The following GLT1D1 variants were observed in gnomAD, a reference collection of about 807,000 sequenced individuals.
GLT1D1 encodes the protein glycosyltransferase 1 domain containing 1, also known as glycosyltransferase 1 domain-containing protein 1.
In GLT1D1, 21 loss-of-function variants were observed where a neutral mutation model predicts 28.7. The ratio of observed to expected loss-of-function variants is 0.73; its 90% CI spans 0.52 to 1.05. The LOEUF (loss-of-function observed/expected upper bound fraction) is 1.05, where lower values mean the gene tolerates loss of function less well. Ranked by LOEUF, GLT1D1 falls within the 50% of genes least tolerant of loss-of-function variation. GLT1D1 has a pLI of 0.00. For missense variants in GLT1D1, 343 were observed against 330.6 expected (o/e 1.04, Z -0.29); for synonymous variants, 147 against 124.8 (o/e 1.18, Z -1.19).
At position 128,876,004 on chromosome 12, in the gene GLT1D1, T is replaced by C. The variant is rs1173262867; in HGVS notation, c.159T>C (p.Ala53=). ...CTGAGATTGCAAACCTCATCTTGGCTGAGAACTGCGAGGCTGCCCTGGCTC... is the reference window on the plus strand; with the variant it reads ...CTGAGATTGCAAACCTCATCTTGGCCGAGAACTGCGAGGCTGCCCTGGCTC... Residue 53 remains alanine, a synonymous_variant, in exon 2 of 8, where the codon GCT becomes GCC. Coordinates refer to ENST00000281703, the MANE Select transcript of GLT1D1 (RefSeq NM_144669.3). 1.2e-6 allele frequency: 2 copies of C among 1,613,874 alleles called. No individual in the cohort carries two copies. Among genetic ancestry groups the C allele is most frequent in the Non-Finnish European group, 1.7e-6 (2 of 1,179,900 alleles).
chr12:128,914,998 T>C lies in GLT1D1; in HGVS notation c.375+15711T>C, dbSNP rs1369937196. ...CTTTCTTCAACGCTCTGGTGAGACA[T>C]GAGATCTTCTTAGAGGATTTTGATG... On this transcript the variant is annotated intron_variant, in intron 4 of 7. Transcript: ENST00000281703. 5 of 1,525,336 alleles carry C rather than the reference T, an allele frequency of 3.3e-6. No individual in the cohort carries two copies. In the Admixed American group the frequency reaches 9.8e-5, roughly 30 times the overall value. The allele number at this position is 1,525,336 out of a possible 1,614,324, so 94.5% of individuals were successfully genotyped here.
intron 4 of GLT1D1, among the ~76,000 whole-genome samples, chr12:128,907,277 G>A (rs1811392): frequency 0.041 from 6,247 of 150,834 alleles, 463 homozygotes; most frequent in African/African-American, 0.14. Context: ...AAGCTCCAGG[G>A]ATTGATCATG....
chr12:128,900,071 A>G (rs992460240), intron 4 of GLT1D1, among the ~76,000 whole-genome samples: 1 of 152,184 alleles, frequency 6.6e-6, no homozygotes, highest in Non-Finnish European at 1.5e-5. Flanking sequence ...GGGCTGGTGT[A>G]TGAGCTGGTG....
intron 6 of GLT1D1, among the ~76,000 whole-genome samples, chr12:128,952,355 G>A (rs568361197): frequency 1.1e-3 from 154 of 141,154 alleles, no homozygotes; most frequent in South Asian, 2.1e-3. Flanking sequence ...CACCCCTGGC[G>A]TCTCAGAATG....
chr12:128,940,685 G>C (rs937454366), intron 4 of GLT1D1, among the ~76,000 whole-genome samples: 1 of 152,322 alleles, frequency 6.6e-6, no homozygotes, highest in Non-Finnish European at 1.5e-5. Flanking sequence ...GACGGAAATA[G>C]TCCCTGCCCC....
At chr12:128,879,448 TTC>T (rs1226989390) in intron 2 of GLT1D1, among the ~76,000 whole-genome samples, 1 of 126,800 alleles carries the variant, frequency 7.9e-6, no homozygotes, top group Non-Finnish European at 1.6e-5. Flanking sequence ...CTTTCTTTCT[TTC>T]TTTCTTTCTT....
intron 4 of GLT1D1, among the ~76,000 whole-genome samples, chr12:128,932,371 T>C (rs1874013686): frequency 6.6e-6 from 1 of 152,114 alleles, no homozygotes; most frequent in African/African-American, 2.4e-5. Flanking sequence ...CCCAGCACGT[T>C]AGTTGGCTTG....
rs1161025357 is a variant in GLT1D1 at position 128,874,094 on chromosome 12, T to C, written c.69-1820T>C. Among the ~76,000 whole-genome samples the C allele has an allele frequency of 5.4e-3, 141 of 26,278 alleles. 2 individuals carry two copies. Among genetic ancestry groups the C allele is most frequent in the Middle Eastern group, 0.029 (1 of 34 alleles). 17.2% of individuals were successfully genotyped at this position (26,278 alleles called of 152,430 possible). A position where few individuals can be genotyped will look rare whatever the true frequency, so the allele number is the denominator to read the frequency against. On this transcript the variant is annotated intron_variant, in intron 1 of 7. Transcript: ENST00000281703. ...TTTCTTTCTTTCTTTCTTTCTTTCTTTCTTTCTCTCTCTCTCTCTCTCTCT... is the reference window on the plus strand; with the variant it reads ...TTTCTTTCTTTCTTTCTTTCTTTCTCTCTTTCTCTCTCTCTCTCTCTCTCT...
chr12:128,969,611 A>G (rs1878833439), intron 7 of GLT1D1, among the ~76,000 whole-genome samples: 2 of 152,224 alleles, frequency 1.3e-5, no homozygotes, highest in Non-Finnish European at 2.9e-5. Flanking sequence ...AGGCTGGGCC[A>G]TCACCAAGGT....
chr12:128,957,557 G>A lies in GLT1D1; in HGVS notation c.553G>A (p.Glu185Lys). 6.2e-7 allele frequency: 1 copy of A among 1,612,782 alleles called. No homozygotes were observed. The highest frequency in any genetic ancestry group is 8.5e-7 in the Non-Finnish European group (1 of 1,178,868). The stretch of plus-strand genomic sequence containing the variant: ...CTGTCTCCTCCAGGCAATGGATTTA[G>A]AAGTACCGGTATTGGCCAGGAACAT... Residue 185 changes from glutamate to lysine, a missense_variant, in exon 7 of 8, where the codon GAA (glutamate) becomes AAA (lysine). Coordinates refer to ENST00000281703, the MANE Select transcript of GLT1D1 (RefSeq NM_144669.3).
chr12:128,982,057 T>C (rs1880366131), intron 7 of GLT1D1, among the ~76,000 whole-genome samples: 1 of 152,120 alleles, frequency 6.6e-6, no homozygotes, highest in Non-Finnish European at 1.5e-5. Context: ...AGGGCTTTGA[T>C]ATTAAAACCA....
At chr12:128,859,255 G>T (rs1956300617) in intron 1 of GLT1D1, among the ~76,000 whole-genome samples, 1 of 152,208 alleles carries the variant, frequency 6.6e-6, no homozygotes, top group Non-Finnish European at 1.5e-5. Context: ...TAGCAAGGTG[G>T]GAGAACGGAG....
chr12:128,913,911 AG>A (rs1871815346), intron 4 of GLT1D1, among the ~76,000 whole-genome samples: 1 of 152,196 alleles, frequency 6.6e-6, no homozygotes, highest in African/African-American at 2.4e-5. Flanking sequence ...TGGGCCTTTA[AG>A]GGTTACAGTG....
chr12:128,907,303 C>CTTTT (rs11341281), intron 4 of GLT1D1, among the ~76,000 whole-genome samples: 2 of 115,756 alleles, frequency 1.7e-5, no homozygotes, highest in African/African-American at 6.8e-5. Flanking sequence ...GGAAGCTAAT[C>CTTTT]TTTTTTTTTT....
chr12:128,906,383 GA>G (rs962182512), intron 4 of GLT1D1, among the ~76,000 whole-genome samples: 1 of 151,928 alleles, frequency 6.6e-6, no homozygotes, highest in African/African-American at 2.4e-5. Flanking sequence ...TCACCAAGAA[GA>G]AAAAAACACC....
chr12:128,908,987 C>T (rs1434994453), intron 4 of GLT1D1, among the ~76,000 whole-genome samples: 2 of 151,782 alleles, frequency 1.3e-5, no homozygotes, highest in South Asian at 2.1e-4. Context: ...AAAATAAACA[C>T]GATAGGTCCA....
At chr12:128,883,443 A>G (rs1198788615) in intron 2 of GLT1D1, among the ~76,000 whole-genome samples, 1 of 151,478 alleles carries the variant, frequency 6.6e-6, no homozygotes, top group Non-Finnish European at 1.5e-5. Context: ...TACAAAAATT[A>G]GCTGGGCATG....
chr12:128,900,281 G>T (rs886865801), intron 4 of GLT1D1, among the ~76,000 whole-genome samples: 1 of 152,240 alleles, frequency 6.6e-6, no homozygotes, highest in African/African-American at 2.4e-5. Context: ...ATTTGCAGGC[G>T]TTATTCCTGT....
At chr12:128,909,860 G>T (rs1192631058) in intron 4 of GLT1D1, among the ~76,000 whole-genome samples, 1 of 152,262 alleles carries the variant, frequency 6.6e-6, no homozygotes, top group East Asian at 1.9e-4. Context: ...TTGCCATTGT[G>T]TGCACTGATG....
Sources: gnomAD v4.1 joint callset for allele counts (sites outside exome capture counted in the v4.1 genomes callset) on GRCh38, gnomAD v4.1.1 for gene constraint, MANE v1.5 for transcripts, NCBI Gene and HGNC (gene_info 2026-07-23, HGNC 2026-07-21) for gene names.